FMN1: variants seen among roughly 807,000 people sequenced by gnomAD.
FMN1 encodes formin 1.
In FMN1, 110 loss-of-function variants were observed where a neutral mutation model predicts 132.4. The ratio of observed to expected loss-of-function variants is 0.83; its 90% CI spans 0.71 to 0.97. FMN1 has a LOEUF of 0.97. Among genes scored for constraint, FMN1 ranks in the 50% least tolerant of loss-of-function variants. The pLI, the probability that FMN1 is intolerant of heterozygous loss-of-function variation, is 0.00. For missense variants in FMN1, 1,792 were observed against 1,705.3 expected (o/e 1.05, Z -0.90); for synonymous variants, 722 against 651.7 (o/e 1.11, Z -1.64).
chr15:32,918,830 G>C (rs1373134955), intron 10 of FMN1, among the ~76,000 whole-genome samples: 1 of 152,118 alleles, frequency 6.6e-6, no homozygotes, highest in Non-Finnish European at 1.5e-5. Flanking sequence ...ACAAAGAAAT[G>C]CCACCCTCTG....
chr15:33,111,868 A>G (rs1381638882), intron 4 of FMN1, among the ~76,000 whole-genome samples: 1 of 152,130 alleles, frequency 6.6e-6, no homozygotes, highest in Non-Finnish European at 1.5e-5. Flanking sequence ...GTTGATTTTG[A>G]TGATGGTTGT....
intron 10 of FMN1, among the ~76,000 whole-genome samples, chr15:32,917,913 GAA>G (rs765626861): frequency 5.3e-5 from 8 of 152,128 alleles, no homozygotes; most frequent in Non-Finnish European, 1.0e-4. Flanking sequence ...CCCATGTTAT[GAA>G]AATTTCATTT....
chr15:33,018,559 G>A (rs894345774), intron 6 of FMN1, among the ~76,000 whole-genome samples: 3 of 152,114 alleles, frequency 2.0e-5, no homozygotes, highest in Non-Finnish European at 2.9e-5. Context: ...AGGGTGGTGC[G>A]CCCAAGAAGA....
intron 13 of FMN1, among the ~76,000 whole-genome samples, chr15:32,901,244 G>T (rs527668014): frequency 1.3e-5 from 2 of 152,242 alleles, no homozygotes; most frequent in African/African-American, 4.8e-5. Flanking sequence ...TTATTAGTGC[G>T]TGTATAATTA....
chr15:33,020,518 G>C (rs535825073), intron 6 of FMN1, among the ~76,000 whole-genome samples: 14 of 152,128 alleles, frequency 9.2e-5, no homozygotes, highest in African/African-American at 3.1e-4. Context: ...GTGGTGGCAG[G>C]TGCCTGTAAT....
At chr15:33,172,222 A>AG (rs552901475) in intron 3 of FMN1, among the ~76,000 whole-genome samples, 4,949 of 151,456 alleles carry the variant, frequency 0.033, 136 homozygotes, top group East Asian at 0.12. Flanking sequence ...AAAAAAAAAG[A>AG]AAAGAAAGAA....
chr15:32,854,906 C>T (rs558617248), intron 17 of FMN1, among the ~76,000 whole-genome samples: 1 of 149,126 alleles, frequency 6.7e-6, no homozygotes, highest in East Asian at 2.0e-4. Context: ...GAGGGTAAAA[C>T]TCCACCTCAA....
At chr15:32,988,049 G>GCTT (rs2033181809) in intron 7 of FMN1, among the ~76,000 whole-genome samples, 1 of 118,164 alleles carries the variant, frequency 8.5e-6, no homozygotes, top group African/African-American at 3.1e-5. Flanking sequence ...TGTCTCTCCA[G>GCTT]TTTTTTTTTT....
At chr15:32,978,538 C>T (rs770194907) in intron 7 of FMN1, among the ~76,000 whole-genome samples, 13 of 152,172 alleles carry the variant, frequency 8.5e-5, no homozygotes, top group Non-Finnish European at 1.3e-4. Context: ...ATACTAATTC[C>T]TTCTCTATTA....
At chr15:33,132,592 A>G (rs1459464533) in intron 4 of FMN1, among the ~76,000 whole-genome samples, 2 of 152,178 alleles carry the variant, frequency 1.3e-5, no homozygotes, top group Non-Finnish European at 2.9e-5. Context: ...TATACCCAGG[A>G]TACTCACCAC....
At chr15:33,098,266 T>C (rs982157105) in intron 4 of FMN1, among the ~76,000 whole-genome samples, 4 of 152,164 alleles carry the variant, frequency 2.6e-5, no homozygotes, top group African/African-American at 7.2e-5. Context: ...CCTCCCCCAA[T>C]AGGGCTGATG....
intron 19 of FMN1, among the ~76,000 whole-genome samples, chr15:32,792,349 G>A (rs968020711): frequency 6.6e-6 from 1 of 151,958 alleles, no homozygotes; most frequent in Admixed American, 6.6e-5. Flanking sequence ...GGAGGCTGAG[G>A]CAGGAGAATG....
chr15:33,177,308 A>G (rs1437803600), intron 3 of FMN1, among the ~76,000 whole-genome samples: 1 of 152,188 alleles, frequency 6.6e-6, no homozygotes, highest in Non-Finnish European at 1.5e-5. Context: ...TCTTTAGGTC[A>G]TAGAATATGG....
rs150830531 is a variant in FMN1, at chr15:32,776,826, A to G, written c.4215+9T>C. On this transcript the variant is annotated intron_variant, in intron 20 of 20. Coordinates refer to ENST00000616417, the MANE Select transcript of FMN1 (RefSeq NM_001277313.2). The stretch of plus-strand genomic sequence containing the variant: ...CAATCGTTAGATTATGTTGAAAAAT[A>G]TATCTCACCAGGCTAGCAGTGGGAT... 1.8e-4 allele frequency: 279 copies of G among 1,533,780 alleles called. 2 individuals carry two copies. The African/African-American group carries it at 2.9e-3, about 16-fold the overall frequency.
chr15:33,107,562 T>C, intron 4 of FMN1, among the ~76,000 whole-genome samples: 1 of 152,072 alleles, frequency 6.6e-6, no homozygotes. Flanking sequence ...CCAACCTCAT[T>C]CCTGCCTTTG....
At chr15:33,075,175 C>T (rs1006584495) in intron 5 of FMN1, among the ~76,000 whole-genome samples, 2 of 152,082 alleles carry the variant, frequency 1.3e-5, no homozygotes, top group African/African-American at 4.8e-5. Context: ...ACAGTACCTA[C>T]ACTTCATGAA....
intron 6 of FMN1, among the ~76,000 whole-genome samples, chr15:33,058,998 G>A (rs1191292081): frequency 1.3e-5 from 2 of 152,128 alleles, no homozygotes; most frequent in Admixed American, 1.3e-4. Flanking sequence ...TATTTCTCCT[G>A]TTTATCTAAA....
intron 4 of FMN1, among the ~76,000 whole-genome samples, chr15:33,101,697 T>G (rs1318077756): frequency 6.6e-6 from 1 of 152,160 alleles, no homozygotes; most frequent in Non-Finnish European, 1.5e-5. Context: ...ACAAGAGACT[T>G]TATGTCATTG....
chr15:32,912,058 G>A (rs2060574637), intron 10 of FMN1, among the ~76,000 whole-genome samples: 1 of 152,112 alleles, frequency 6.6e-6, no homozygotes, highest in South Asian at 2.1e-4. Context: ...GAGCGCATAA[G>A]AAAAGGTCAA....
Sources: allele counts gnomAD v4.1 joint callset (sites outside exome capture counted in the v4.1 genomes callset), GRCh38; gene constraint gnomAD v4.1.1; transcripts MANE v1.5; gene names NCBI Gene and HGNC (gene_info 2026-07-23, HGNC 2026-07-21).